The following IL20RA variants were observed in gnomAD, a reference collection of about 807,000 sequenced individuals.
IL20RA encodes the protein interleukin-20 receptor subunit alpha.
In IL20RA, 29 loss-of-function variants were observed where a neutral mutation model predicts 36.5. That is an observed-to-expected ratio of 0.79 (90% confidence interval 0.59 to 1.08). IL20RA has a LOEUF of 1.08. Ranked by LOEUF, IL20RA falls within the 50% of genes least tolerant of loss-of-function variation. The probability of loss-of-function intolerance (pLI) is 0.00; values close to 1 mark genes in which losing one functional copy is unlikely to be tolerated. For missense variants in IL20RA, 652 were observed against 668.4 expected (o/e 0.98, Z 0.27); for synonymous variants, 279 against 267.1 (o/e 1.04, Z -0.43).
chr6:137,004,807 T>C (rs777481874), intron 5 of IL20RA, 47 bp from the exon 6 acceptor site: 9 of 1,536,616 alleles, frequency 5.9e-6, no homozygotes, highest in Non-Finnish European at 7.0e-6. Context: ...AGGGATTAGA[T>C]AGTTGTGATT....
At chr6:137,011,974 GTGA>G (rs1261697492) in intron 2 of IL20RA, among the ~76,000 whole-genome samples, 2 of 152,130 alleles carry the variant, frequency 1.3e-5, no homozygotes, top group Admixed American at 6.5e-5. Context: ...GATAATTATA[GTGA>G]TGATGATAAT....
Position 137,000,548 on chromosome 6 carries a change from C to G in IL20RA, c.*1010G>C, listed in dbSNP as rs569217071. 23 of 152,244 alleles carry G rather than the reference C, an allele frequency of 1.5e-4. No individual in the cohort carries two copies. The highest frequency in any genetic ancestry group is 4.8e-4 in the African/African-American group (20 of 41,540). The allele number at this position is 152,244 out of a possible 1,614,324, so 9.4% of individuals were successfully genotyped here. On this transcript the variant is annotated 3_prime_UTR_variant, in exon 7 of 7. Coordinates refer to ENST00000316649, the MANE Select transcript of IL20RA (RefSeq NM_014432.4). Reference sequence around the variant, plus strand: ...GTTTAGTTCCTACAGTAAATTTCATCAAATTTTAATAAACTCTCCCTTACA... The same window carrying G: ...GTTTAGTTCCTACAGTAAATTTCATGAAATTTTAATAAACTCTCCCTTACA...
intron 1 of IL20RA, 30 bp from the exon 2 acceptor site, chr6:137,017,133 C>G (rs746668996): frequency 1.9e-5 from 31 of 1,603,444 alleles, no homozygotes; most frequent in Non-Finnish European, 2.6e-5. Context: ...GAATTGAGGT[C>G]TTAGTAGCAG....
At chr6:137,041,949 G>A (rs904879107) in intron 1 of IL20RA, among the ~76,000 whole-genome samples, 5 of 151,920 alleles carry the variant, frequency 3.3e-5, no homozygotes, top group East Asian at 3.9e-4. Context: ...TTCTCCTAAC[G>A]CTATCCCTCC....
intron 1 of IL20RA, chr6:137,038,040 G>A (rs1369627802): frequency 1.3e-5 from 2 of 152,216 alleles, no homozygotes; most frequent in Admixed American, 1.3e-4. Flanking sequence ...TTACTTGGAA[G>A]TGATGCTGCA....
intron 1 of IL20RA, among the ~76,000 whole-genome samples, chr6:137,039,091 CTAAACGAAAAGGTATAA>C (rs1776586292): frequency 6.6e-6 from 1 of 152,172 alleles, no homozygotes; most frequent in South Asian, 2.1e-4. Context: ...AGAGTCAGAG[CTAAACGAAAAGGTATAA>C]TCAGGGAGGT....
intron 1 of IL20RA, among the ~76,000 whole-genome samples, chr6:137,026,903 T>C (rs1776107427): frequency 6.6e-6 from 1 of 152,052 alleles, no homozygotes; most frequent in South Asian, 2.1e-4. Flanking sequence ...TTTTTTGAGA[T>C]GGAGTGTCAC....
intron 1 of IL20RA, among the ~76,000 whole-genome samples, chr6:137,023,997 G>A (rs369914716): frequency 2.0e-5 from 3 of 152,154 alleles, no homozygotes; most frequent in South Asian, 2.1e-4. Flanking sequence ...GGGAGGCTGA[G>A]GCAGAAGAAT....
At chr6:137,006,220 A>G (rs1253221421) in intron 5 of IL20RA, among the ~76,000 whole-genome samples, 1 of 152,228 alleles carries the variant, frequency 6.6e-6, no homozygotes, top group Non-Finnish European at 1.5e-5. Flanking sequence ...CAGATGTGTC[A>G]TGGCTGATGA....
In IL20RA at chr6:137,001,839, C is replaced by G. The variant is rs1243457821; in HGVS notation, c.1381G>C (p.Ala461Pro). The G allele has an allele frequency of 6.2e-7, 1 of 1,613,398 alleles. No homozygotes were observed. The change falls in exon 7 of 7, where the codon GCG becomes CCG. Residue 461 changes from alanine to proline, a missense_variant. Transcript: ENST00000316649. ...TPQLQDLDPL[A>P]QEHTDSEEGP... ...TCCTCCGAGTCTGTGTGCTCCTGCG[C>G]CAGGGGGTCTAAGTCTTGGAGCTGA...
At chr6:137,035,565 C>T (rs1562242586) in intron 1 of IL20RA, among the ~76,000 whole-genome samples, 2 of 152,098 alleles carry the variant, frequency 1.3e-5, no homozygotes, top group Non-Finnish European at 2.9e-5. Flanking sequence ...TAGAACAGCT[C>T]CCCATATGTA....
intron 5 of IL20RA, among the ~76,000 whole-genome samples, chr6:137,005,920 G>A (rs571038139): frequency 4.6e-5 from 7 of 152,172 alleles, no homozygotes; most frequent in South Asian, 4.2e-4. Flanking sequence ...GTGAGCCAAC[G>A]CCTTAAAATA....
intron 1 of IL20RA, among the ~76,000 whole-genome samples, chr6:137,022,204 A>C (rs1775929688): frequency 6.6e-6 from 1 of 152,188 alleles, no homozygotes; most frequent in African/African-American, 2.4e-5. Flanking sequence ...TTGGGATCCC[A>C]CCACATTTTG....
intron 1 of IL20RA, among the ~76,000 whole-genome samples, chr6:137,034,858 T>C (rs1187384723): frequency 6.7e-6 from 1 of 148,656 alleles, no homozygotes; most frequent in East Asian, 2.0e-4. Context: ...GGCAGGAGAA[T>C]GGTGAGAACC....
Position 137,013,535 on chromosome 6 carries a change from C to T in IL20RA, c.225-2083G>A, listed in dbSNP as rs576655752. On this transcript the variant is annotated intron_variant, in intron 2 of 6. Transcript: ENST00000316649. ...CATTTTACAGATGAGACAGCTGAGG[C>T]TCAGGGAGATTAAGGGATCCACTCA... Among the ~76,000 whole-genome samples the T allele has an allele frequency of 1.1e-4, 16 of 152,306 alleles. No individual in the cohort carries two copies. In the South Asian group the frequency reaches 3.3e-3, roughly 32 times the overall value.
Position 137,004,174 on chromosome 6 carries a change from T to TTTTTTTTTG in IL20RA, c.864+446_864+447insCAAAAAAAA, listed in dbSNP as rs1775190766. 4.5e-3 allele frequency among the ~76,000 whole-genome samples: 559 copies of TTTTTTTTTG among 124,486 alleles called. 19 individuals carry two copies. The highest frequency in any genetic ancestry group is 0.015 in the African/African-American group (493 of 31,852). The allele number at this position is 124,486 out of a possible 152,430, so 81.7% of individuals were successfully genotyped here. A position where few individuals can be genotyped will look rare whatever the true frequency, so the allele number is the denominator to read the frequency against. On this transcript the variant is annotated intron_variant, in intron 6 of 6. Transcript: ENST00000316649. The stretch of plus-strand genomic sequence containing the variant: ...ATCCAGAAAGCTTTTTTTTTTTTTT[T>TTTTTTTTTG]TTTTTTTTTTTGAGACAGAGCCTCA...
rs1173710701 is a variant in IL20RA, at chr6:137,044,820, G to A, written c.-92C>T. ...AGCGCGGCCGCGCGGCCTCAGCTCC[G>A]CGCCTGGGGCTCTGCGTGCCACGCT... On this transcript the variant is annotated 5_prime_UTR_variant, in exon 1 of 7. Coordinates refer to ENST00000316649, the MANE Select transcript of IL20RA (RefSeq NM_014432.4). The A allele has an allele frequency of 8.8e-7, 1 of 1,130,078 alleles. No individual in the cohort carries two copies. Among genetic ancestry groups the A allele is most frequent in the Non-Finnish European group, 1.1e-6 (1 of 905,022 alleles). 70.0% of individuals were successfully genotyped at this position (1,130,078 alleles called of 1,614,324 possible). A position where few individuals can be genotyped will look rare whatever the true frequency, so the allele number is the denominator to read the frequency against.
At chr6:137,040,086 G>A (rs924151613) in intron 1 of IL20RA, among the ~76,000 whole-genome samples, 7 of 152,304 alleles carry the variant, frequency 4.6e-5, no homozygotes, top group Non-Finnish European at 8.8e-5. Flanking sequence ...ATAAGAGCAT[G>A]AGTTAGCAAT....
chr6:137,036,448 G>C (rs535980847), intron 1 of IL20RA, among the ~76,000 whole-genome samples: 1 of 152,142 alleles, frequency 6.6e-6, no homozygotes, highest in Non-Finnish European at 1.5e-5. Context: ...CATCAGGGTG[G>C]GCCGAAATGC....
Sources: allele counts gnomAD v4.1 joint callset (sites outside exome capture counted in the v4.1 genomes callset), GRCh38; gene constraint gnomAD v4.1.1; transcripts MANE v1.5; gene names NCBI Gene and HGNC (gene_info 2026-07-23, HGNC 2026-07-21).